OR2L13: variants seen among roughly 807,000 people sequenced by gnomAD.
The protein encoded by OR2L13 is olfactory receptor 2L13.
OR2L13 carries 14 observed loss-of-function variants against 15.3 expected under a neutral mutation model. The observed-to-expected ratio is 0.91, with a 90% confidence interval of 0.60 to 1.43. The LOEUF (loss-of-function observed/expected upper bound fraction) is 1.43. Among genes scored for constraint, OR2L13 ranks in the 40% most tolerant of loss-of-function variants. OR2L13 has a pLI of 0.00. For synonymous variants in OR2L13, 152 were observed against 142.9 expected (o/e 1.06, Z -0.45); for missense variants, 367 against 387.9 (o/e 0.95, Z 0.45).
chr1:247,960,481 C>G, the OR2L13 span, among the ~76,000 whole-genome samples: 4 of 152,200 alleles, frequency 2.6e-5, no homozygotes, highest in Non-Finnish European at 5.9e-5. Flanking sequence ...AGACAGGGAC[C>G]TTTAAGTCTG....
At chr1:247,970,512 T>G in the OR2L13 span, among the ~76,000 whole-genome samples, 1 of 152,186 alleles carries the variant, frequency 6.6e-6, no homozygotes, top group Non-Finnish European at 1.5e-5. Flanking sequence ...TCCCCCTTTC[T>G]TTTGGGTTAC....
At chr1:247,962,954 A>G in the OR2L13 span, among the ~76,000 whole-genome samples, 1 of 152,220 alleles carries the variant, frequency 6.6e-6, no homozygotes, top group Non-Finnish European at 1.5e-5. Flanking sequence ...TTGAAGAAAT[A>G]GATAAGTTTG....
chr1:247,963,769 A>T, the OR2L13 span, among the ~76,000 whole-genome samples: 1 of 152,196 alleles, frequency 6.6e-6, no homozygotes, highest in African/African-American at 2.4e-5. Flanking sequence ...TAGTACAAAA[A>T]GGGTTTCCAG....
the OR2L13 span, chr1:248,004,161 G>A: frequency 1.6e-5 from 17 of 1,062,512 alleles, no homozygotes; most frequent in Middle Eastern, 2.3e-4. Flanking sequence ...TAGAGTTCAG[G>A]AGCAAAAAGT....
chr1:248,037,775 A>C, the OR2L13 span, among the ~76,000 whole-genome samples: 1 of 152,192 alleles, frequency 6.6e-6, no homozygotes, highest in South Asian at 2.1e-4. Context: ...CTGTAATCAA[A>C]TGCGGTCTGA....
At chr1:248,099,294 T>C in intron 2 of OR2L13, 64 bp from the exon 3 acceptor site, 1 of 953,562 alleles carries the variant, frequency 1.0e-6, no homozygotes. Flanking sequence ...TTCCTTTTTG[T>C]TTTTCTATTG....
the OR2L13 span, among the ~76,000 whole-genome samples, chr1:248,056,992 G>A: frequency 6.6e-6 from 1 of 152,050 alleles, no homozygotes. Context: ...ATTGTGCTGT[G>A]GTCTGAGAGA....
the OR2L13 span, among the ~76,000 whole-genome samples, chr1:248,024,710 T>C: frequency 6.6e-6 from 1 of 152,166 alleles, no homozygotes; most frequent in Admixed American, 6.5e-5. Context: ...AAAGATCAGA[T>C]AGTTGTAGAT....
the OR2L13 span, among the ~76,000 whole-genome samples, chr1:247,994,209 A>C: frequency 6.6e-6 from 1 of 152,130 alleles, no homozygotes; most frequent in Admixed American, 6.5e-5. Flanking sequence ...ATCCTGGCTA[A>C]CACGGTGAAA....
the OR2L13 span, chr1:248,062,091 A>G: frequency 6.4e-6 from 1 of 157,048 alleles, no homozygotes; most frequent in African/African-American, 2.4e-5. Flanking sequence ...CACTTAACGT[A>G]CCAATTACTC....
the OR2L13 span, among the ~76,000 whole-genome samples, chr1:248,008,397 T>A: frequency 2.0e-5 from 3 of 152,196 alleles, no homozygotes; most frequent in East Asian, 5.8e-4. Flanking sequence ...AAGAGTCACA[T>A]GTACATGTAA....
At chr1:247,969,865 A>C in the OR2L13 span, among the ~76,000 whole-genome samples, 1 of 152,170 alleles carries the variant, frequency 6.6e-6, no homozygotes, top group Non-Finnish European at 1.5e-5. Flanking sequence ...AACCTTCTAC[A>C]TGATGGCTGC....
chr1:247,968,227 C>T, the OR2L13 span, among the ~76,000 whole-genome samples: 1 of 152,014 alleles, frequency 6.6e-6, no homozygotes, highest in Admixed American at 6.6e-5. Flanking sequence ...AACTGAATGT[C>T]AGAGAGTTTA....
chr1:248,091,370 C>T (rs1664593093), upstream of OR2L13, among the ~76,000 whole-genome samples: 1 of 151,864 alleles, frequency 6.6e-6, no homozygotes, highest in Non-Finnish European at 1.5e-5. Flanking sequence ...GTCCTATGTC[C>T]AGAATGACAT....
the OR2L13 span, chr1:248,039,623 T>C: frequency 6.5e-6 from 1 of 154,846 alleles, no homozygotes; most frequent in Non-Finnish European, 1.4e-5. Context: ...ATATATTTTC[T>C]ACTAAATTGT....
the OR2L13 span, among the ~76,000 whole-genome samples, chr1:247,950,750 C>T: frequency 1.5e-4 from 23 of 151,890 alleles, no homozygotes; most frequent in East Asian, 1.9e-3. Flanking sequence ...ACCAGAGGAT[C>T]GGAAGGGTAT....
chr1:248,084,309 C>G, the OR2L13 span: 1 of 1,612,204 alleles, frequency 6.2e-7, no homozygotes, highest in Non-Finnish European at 8.5e-7. Context: ...GATCTGCACA[C>G]CACAGCCAGC....
At chr1:248,022,653 G>A in the OR2L13 span, 3 of 1,614,036 alleles carry the variant, frequency 1.9e-6, no homozygotes, top group Non-Finnish European at 2.5e-6. Context: ...GAGGAAAAAG[G>A]CCTATTCGAC....
the OR2L13 span, chr1:247,990,585 A>T: frequency 1.9e-6 from 3 of 1,558,850 alleles, no homozygotes; most frequent in East Asian, 4.5e-5. Flanking sequence ...TCCTGACTTT[A>T]GCAGGTGCAG....
Sources: gnomAD v4.1 joint callset for allele counts (sites outside exome capture counted in the v4.1 genomes callset) on GRCh38, gnomAD v4.1.1 for gene constraint, MANE v1.5 for transcripts, NCBI Gene and HGNC (gene_info 2026-07-23, HGNC 2026-07-21) for gene names.